PCDHAC1: variants seen among roughly 807,000 people sequenced by gnomAD.
PCDHAC1 encodes the protein protocadherin alpha subfamily C, 1.
Under a neutral mutation model 60.0 loss-of-function variants are expected in PCDHAC1, and 42 were observed. The observed-to-expected ratio is 0.70, with a 90% CI of 0.55 to 0.90. The LOEUF (loss-of-function observed/expected upper bound fraction) is 0.90, where lower values mean the gene tolerates loss of function less well. PCDHAC1 is among the 40% of genes least tolerant of loss of function. The pLI is 0.00. For synonymous variants in PCDHAC1, 468 were observed against 499.3 expected (o/e 0.94, Z 0.84); for missense variants, 1,160 against 1,222.3 (o/e 0.95, Z 0.76).
intron 1 of PCDHAC1, among the ~76,000 whole-genome samples, chr5:140,962,883 T>C (rs570394633): frequency 5.6e-4 from 86 of 152,222 alleles, no homozygotes; most frequent in Non-Finnish European, 1.0e-3. Flanking sequence ...ATACATGAAT[T>C]AAAAAATGAA....
intron 1 of PCDHAC1, among the ~76,000 whole-genome samples, chr5:140,943,736 A>G (rs913454195): frequency 3.3e-5 from 5 of 152,266 alleles, no homozygotes; most frequent in Non-Finnish European, 7.3e-5. Context: ...ATGAAAGTCC[A>G]CAGTCTAAAA....
intron 1 of PCDHAC1, among the ~76,000 whole-genome samples, chr5:140,936,994 TA>T (rs1472246875): frequency 6.6e-6 from 1 of 152,140 alleles, no homozygotes; most frequent in Non-Finnish European, 1.5e-5. Context: ...ACATTGACAA[TA>T]TTGAGACAGA....
At chr5:140,968,716 T>C (rs1554230993) in intron 1 of PCDHAC1, 2 of 1,614,058 alleles carry the variant, frequency 1.2e-6, no homozygotes, top group Admixed American at 1.7e-5. Flanking sequence ...AGATGGGAGA[T>C]GAGAGTGGTA....
In PCDHAC1 at chr5:141,010,299, T is replaced by G; in HGVS notation, c.*362T>G. ...TCTTGATGACACTTGCAGGGCAGGCTGAAAAGTTTTGAGATTGAGCAGCTT... is the reference window on the plus strand; with the variant it reads ...TCTTGATGACACTTGCAGGGCAGGCGGAAAAGTTTTGAGATTGAGCAGCTT... On this transcript the variant is annotated 3_prime_UTR_variant, in exon 4 of 4. Transcript: ENST00000253807. 6.5e-7 allele frequency: 1 copy of G among 1,549,016 alleles called. No homozygotes were observed. The highest frequency in any genetic ancestry group is 2.4e-5 in the East Asian group (1 of 40,892).
chr5:140,969,351 G>A (rs1554231714), intron 1 of PCDHAC1: 1 of 1,612,990 alleles, frequency 6.2e-7, no homozygotes, highest in Non-Finnish European at 8.5e-7. Flanking sequence ...TGGTCAGGGG[G>A]TCTTCTACAA....
intron 1 of PCDHAC1, among the ~76,000 whole-genome samples, chr5:140,937,708 C>G (rs535447052): frequency 6.6e-6 from 1 of 151,944 alleles, no homozygotes; most frequent in South Asian, 2.1e-4. Flanking sequence ...GTCAGGAGAT[C>G]AAGACCATCC....
chr5:140,956,434 T>G (rs1554222427), intron 1 of PCDHAC1, among the ~76,000 whole-genome samples: 1 of 152,236 alleles, frequency 6.6e-6, no homozygotes, highest in Non-Finnish European at 1.5e-5. Flanking sequence ...TTAGTTCTGC[T>G]TATGTGATGA....
chr5:141,003,406 G>A (rs2098122557), intron 3 of PCDHAC1, among the ~76,000 whole-genome samples: 1 of 152,134 alleles, frequency 6.6e-6, no homozygotes, highest in African/African-American at 2.4e-5. Flanking sequence ...CCGCCTCCCG[G>A]GTTCGAGTGA....
At position 141,009,997 on chromosome 5, in the gene PCDHAC1, A is replaced by C; in HGVS notation, c.*60A>C. 1 of 1,576,442 alleles carries C rather than the reference A, an allele frequency of 6.3e-7. No individual in the cohort carries two copies. The highest frequency in any genetic ancestry group is 2.2e-5 in the East Asian group (1 of 44,650). On this transcript the variant is annotated 3_prime_UTR_variant, in exon 4 of 4. Transcript: ENST00000253807. ...TTTGTAATAATGGCAAATCTCTCCC[A>C]TGTAGCAATTCCCTGCTCCTTTTTC...
chr5:140,981,252 T>C (rs1482350756), intron 2 of PCDHAC1, among the ~76,000 whole-genome samples: 1 of 152,240 alleles, frequency 6.6e-6, no homozygotes, highest in African/African-American at 2.4e-5. Context: ...GAAATTTAAC[T>C]TTCAAGATAA....
chr5:141,005,308 TA>T (rs1345689314), intron 3 of PCDHAC1, among the ~76,000 whole-genome samples: 4 of 152,214 alleles, frequency 2.6e-5, no homozygotes, highest in Non-Finnish European at 4.4e-5. Context: ...TTGTGAATCT[TA>T]CAGTGGTAGA....
intron 1 of PCDHAC1, among the ~76,000 whole-genome samples, chr5:140,931,548 G>C (rs2087590460): frequency 6.6e-6 from 1 of 151,968 alleles, no homozygotes; most frequent in African/African-American, 2.4e-5. Flanking sequence ...CTGTTCATAT[G>C]TGCAGGAATA....
In PCDHAC1 at chr5:140,928,931, A is replaced by G; in HGVS notation, c.2039A>G (p.Gln680Arg). The G allele has an allele frequency of 1.9e-6, 3 of 1,614,150 alleles. No individual in the cohort carries two copies. Among genetic ancestry groups the G allele is most frequent in the Non-Finnish European group, 2.5e-6 (3 of 1,180,036 alleles). The change falls in exon 1 of 4, where the codon CAG (glutamine) becomes CGG (arginine). Residue 680 changes from glutamine to arginine, a missense_variant. Physicochemically the swap from Gln to Arg is conservative, Grantham distance 43. Around this residue, in one of 3 missense-constraint regions of PCDHAC1, gnomAD observed 1,113 missense variants for 1,163.7 expected, o/e 0.96. Transcript: ENST00000253807. ...GAACCAGGAGGGCAGCTTTCTGCCC[A>G]GAACTTGTATTTAGTAATTGCCTTG... Reference protein sequence around the residue: ...VWEPGGQLSAQNLYLVIALAC... With the variant: ...VWEPGGQLSARNLYLVIALAC...
chr5:140,996,848 G>A (rs560517454), intron 3 of PCDHAC1, among the ~76,000 whole-genome samples: 1 of 152,254 alleles, frequency 6.6e-6, no homozygotes, highest in African/African-American at 2.4e-5. Flanking sequence ...TGCATCTTCA[G>A]AATTCTTTAT....
At chr5:140,986,102 C>T (rs782067384) in intron 3 of PCDHAC1, among the ~76,000 whole-genome samples, 14 of 152,102 alleles carry the variant, frequency 9.2e-5, no homozygotes, top group Non-Finnish European at 1.5e-5. Flanking sequence ...CTGCAAAAGC[C>T]TAAGATAAAG....
chr5:140,986,291 A>C (rs1554247870), intron 3 of PCDHAC1, among the ~76,000 whole-genome samples: 1 of 152,142 alleles, frequency 6.6e-6, no homozygotes, highest in East Asian at 1.9e-4. Context: ...CTTGAGACTG[A>C]GCAGAGAGAG....
chr5:140,979,807 A>T (rs376087021), intron 2 of PCDHAC1, among the ~76,000 whole-genome samples: 2 of 152,258 alleles, frequency 1.3e-5, no homozygotes, highest in African/African-American at 4.8e-5. Flanking sequence ...CACAACTATC[A>T]AAAGGATTTA....
At position 141,009,806 on chromosome 5, in the gene PCDHAC1, A is replaced by G. The variant is rs781853535; in HGVS notation, c.2761A>G (p.Ile921Val). 18 of 1,614,018 alleles carry G rather than the reference A, an allele frequency of 1.1e-5. No individual in the cohort carries two copies. Among genetic ancestry groups the G allele is most frequent in the Non-Finnish European group, 1.5e-5 (18 of 1,180,028 alleles). ...SIRQEPTNSQ[I>V]DKSDFITFGK... is the part of the protein sequence containing the mutation. ...CCGGCAGGAGCCTACTAACAGCCAA[A>G]TTGACAAAAGTGACTTCATAACCTT... The change falls in exon 4 of 4, where the codon ATT becomes GTT. Residue 921 changes from isoleucine (I) to valine (V), a missense_variant. Physicochemically the swap from Ile to Val is conservative, Grantham distance 29 (BLOSUM62 3). Coordinates refer to ENST00000253807, the MANE Select transcript of PCDHAC1 (RefSeq NM_018898.5).
At chr5:140,959,066 G>T (rs913581823) in intron 1 of PCDHAC1, among the ~76,000 whole-genome samples, 81 of 152,142 alleles carry the variant, frequency 5.3e-4, no homozygotes, top group African/African-American at 1.9e-3. Flanking sequence ...AGTATATATA[G>T]AATTCAGTAT....
Sources: allele counts gnomAD v4.1 joint callset (sites outside exome capture counted in the v4.1 genomes callset), GRCh38; gene constraint gnomAD v4.1.1; regional missense constraint gnomAD v4.1.1; transcripts MANE v1.5; gene names NCBI Gene and HGNC (gene_info 2026-07-23, HGNC 2026-07-21).